B9D1: variants seen among roughly 807,000 people sequenced by gnomAD.
The protein encoded by B9D1 is B9 domain containing 1.
In B9D1, 20 loss-of-function variants were observed where a neutral mutation model predicts 26.1. The ratio of observed to expected loss-of-function variants is 0.77; its 90% confidence interval spans 0.54 to 1.12. The LOEUF is 1.12. Among genes scored for constraint, B9D1 ranks in the 50% most tolerant of loss-of-function variants. The pLI, the probability that B9D1 is intolerant of heterozygous loss-of-function variation, is 0.00. For missense variants in B9D1, 260 were observed against 273.7 expected, an observed-to-expected ratio of 0.95 and a Z score of 0.35; for synonymous variants, 105 against 103.1, an observed-to-expected ratio of 1.02 and a Z score of -0.11.
chr17:19,359,962 G>A lies in B9D1; in HGVS notation c.132+358C>T, dbSNP rs147511850. ...CTCCTACTCTGTCTTTTTACTCCAG[G>A]TCCTCCCCACTGGCTGAGGAGAGGC... On this transcript the variant is annotated intron_variant, in intron 2 of 6. Coordinates refer to ENST00000261499, the MANE Select transcript of B9D1 (RefSeq NM_015681.6). This position sits in a 1 kb window ranked among gnomAD's most constrained non-coding sequence, Gnocchi z 5.0. 2.8e-3 allele frequency among the ~76,000 whole-genome samples: 434 copies of A among 152,296 alleles called. 4 individuals are homozygous for A. Among genetic ancestry groups the A allele is most frequent in the African/African-American group, 0.01 (416 of 41,560 alleles).
In B9D1 at chr17:19,359,084, C is replaced by A. The variant is rs1910714517; in HGVS notation, c.133-1133G>T. On this transcript the variant is annotated intron_variant, in intron 2 of 6. Transcript: ENST00000261499. This position sits in a 1 kb window ranked among gnomAD's most constrained non-coding sequence, Gnocchi z 5.0. ...CAGTCCAGCCCCTCCCACCACCCCA[C>A]TGCCACTGCCCTCCTCTCCCATCTC... 6.6e-6 allele frequency among the ~76,000 whole-genome samples: 1 copy of A among 152,224 alleles called. No homozygotes were observed. Among genetic ancestry groups the A allele is most frequent in the Non-Finnish European group, 1.5e-5 (1 of 68,042 alleles).
intron 2 of B9D1, 92 bp downstream of exon 2, chr17:19,360,228 A>G: frequency 1.6e-6 from 2 of 1,231,580 alleles, no homozygotes; most frequent in Non-Finnish European, 2.4e-6. Context: ...CTACCTCTTA[A>G]CTTGTTCTGA....
chr17:19,348,852 C>T (rs559132409), intron 3 of B9D1, among the ~76,000 whole-genome samples: 4 of 152,184 alleles, frequency 2.6e-5, no homozygotes, highest in South Asian at 2.1e-4. Flanking sequence ...TGTAAAGGGG[C>T]GTGTTCATGT....
chr17:19,350,537 C>CA (rs1343489881), intron 3 of B9D1, among the ~76,000 whole-genome samples: 1 of 151,840 alleles, frequency 6.6e-6, no homozygotes, highest in Non-Finnish European at 1.5e-5. Context: ...AGCAAGACTC[C>CA]ATCTCAAAAA....
chr17:19,355,625 C>T (rs951753687), intron 3 of B9D1, among the ~76,000 whole-genome samples: 1 of 150,860 alleles, frequency 6.6e-6, no homozygotes, highest in Non-Finnish European at 1.5e-5. Context: ...GTCAGGAGAT[C>T]GAGACCATCC....
intron 1 of B9D1, among the ~76,000 whole-genome samples, chr17:19,376,221 G>A (rs1325111674): frequency 6.6e-6 from 1 of 152,158 alleles, no homozygotes; most frequent in Non-Finnish European, 1.5e-5. Context: ...GAGGAATGAG[G>A]AGTGACCGTT....
chr17:19,335,215 T>A, downstream of B9D1: 1 of 445,546 alleles, frequency 2.2e-6, no homozygotes, highest in Non-Finnish European at 3.9e-6. Flanking sequence ...AGCCTCCAGT[T>A]GCCTTTTCCT....
At chr17:19,368,728 C>G (rs535262577) in intron 1 of B9D1, among the ~76,000 whole-genome samples, 3 of 151,996 alleles carry the variant, frequency 2.0e-5, no homozygotes, top group South Asian at 4.2e-4. Context: ...GAGGATCATT[C>G]GAGCCCAGAA....
downstream of B9D1, among the ~76,000 whole-genome samples, chr17:19,341,831 G>A (rs188575586): frequency 1.3e-5 from 2 of 152,316 alleles, no homozygotes; most frequent in East Asian, 3.9e-4. Context: ...GCATGCAGAT[G>A]ACCAAGAGTT....
chr17:19,348,269 G>T lies in B9D1; in HGVS notation c.245-389C>A, dbSNP rs1364366304. On this transcript the variant is annotated intron_variant, in intron 3 of 6. Transcript: ENST00000261499. ...CCCTTCCTGATGGAGGCGGGCTCAT[G>T]GGACTGAGGTGGCAGGGGCTCATTT... is the stretch of plus-strand genomic sequence containing the variant. Among the ~76,000 whole-genome samples the T allele has an allele frequency of 2.0e-5, 3 of 152,148 alleles. No individual in the cohort carries two copies. The East Asian group carries it at 5.8e-4, about 29-fold the overall frequency.
chr17:19,346,349 C>T (rs951926272), intron 5 of B9D1, among the ~76,000 whole-genome samples: 2 of 152,232 alleles, frequency 1.3e-5, no homozygotes, highest in African/African-American at 2.4e-5. Flanking sequence ...GAAGCATTCT[C>T]GGCCCTGGGC....
At chr17:19,343,137 G>A (rs962470942), downstream of B9D1, 66 of 1,432,356 alleles carry the variant, frequency 4.6e-5, no homozygotes, top group Non-Finnish European at 5.5e-5. Flanking sequence ...CTGTGGGGGA[G>A]GGGCTAAACA....
At chr17:19,348,070 C>G (rs1909098417) in intron 3 of B9D1, among the ~76,000 whole-genome samples, 190 bp from the exon 4 acceptor site, 1 of 152,184 alleles carries the variant, frequency 6.6e-6, no homozygotes, top group Non-Finnish European at 1.5e-5. Context: ...CACCCTGGTA[C>G]TTCCTGTGTC....
downstream of B9D1, chr17:19,341,376 T>G: frequency 1.7e-6 from 2 of 1,201,588 alleles, no homozygotes; most frequent in East Asian, 3.2e-5. Flanking sequence ...TGCTGGGCTT[T>G]TGCTCTGTGT....
At chr17:19,346,882 A>C in intron 5 of B9D1, 4 of 1,407,820 alleles carry the variant, frequency 2.8e-6, no homozygotes, top group Non-Finnish European at 3.7e-6. Context: ...AGCTCCGGCC[A>C]GAGACTCCCA....
At chr17:19,369,148 G>C (rs1911751422) in intron 1 of B9D1, among the ~76,000 whole-genome samples, 2 of 152,176 alleles carry the variant, frequency 1.3e-5, no homozygotes, top group African/African-American at 2.4e-5. Context: ...AAGCGTATAG[G>C]GTTATGGTAG....
rs1305030540 is a variant in B9D1, at chr17:19,372,752, T to G, written c.-298+5107A>C. Among the ~76,000 whole-genome samples, 3 of 152,296 alleles carry G rather than the reference T, an allele frequency of 2.0e-5. No homozygotes were observed. The highest frequency in any genetic ancestry group is 2.9e-5 in the Non-Finnish European group (2 of 68,012). On this transcript the variant is annotated intron_variant, in intron 1 of 5. Transcript: ENST00000477478. This position sits in a 1 kb window ranked among gnomAD's most constrained non-coding sequence, Gnocchi z 4.4. ...GGAGCTGGATTCAAACCCAGGTGTTTCTGAAACCAAAGCGTGCCTTCGTAA... is the reference window on the plus strand; with the variant it reads ...GGAGCTGGATTCAAACCCAGGTGTTGCTGAAACCAAAGCGTGCCTTCGTAA...
downstream of B9D1, among the ~76,000 whole-genome samples, chr17:19,338,301 C>CT (rs995924605): frequency 4.6e-5 from 7 of 152,184 alleles, no homozygotes; most frequent in Non-Finnish European, 1.0e-4. Context: ...GGGAGCTGGC[C>CT]TTTTTTGTAT....
At chr17:19,343,709 T>C (rs1457361243) in intron 6 of B9D1, 81 bp downstream of exon 6, 3 of 1,613,332 alleles carry the variant, frequency 1.9e-6, no homozygotes, top group Non-Finnish European at 2.5e-6. Flanking sequence ...GTCCCCGGCA[T>C]TCACCCCAAC....
Sources: allele counts gnomAD v4.1 joint callset (sites outside exome capture counted in the v4.1 genomes callset), GRCh38; gene constraint gnomAD v4.1.1; non-coding constraint Gnocchi (gnomAD v3.1); transcripts MANE v1.5; gene names NCBI Gene and HGNC (gene_info 2026-07-23, HGNC 2026-07-21).